Variants in CABCOCO1 observed in about 807,000 individuals in gnomAD.
CABCOCO1 encodes the protein ciliary-associated calcium-binding coiled-coil protein 1.
CABCOCO1 carries 28 observed loss-of-function variants against 35.7 expected under a neutral mutation model. That is an observed-to-expected ratio of 0.78 (90% confidence interval 0.58 to 1.07). The LOEUF (loss-of-function observed/expected upper bound fraction) is 1.07. CABCOCO1 is among the 50% of genes least tolerant of loss of function. CABCOCO1 has a pLI of 0.00. For missense variants in CABCOCO1, 326 were observed against 309.2 expected (o/e 1.05, Z -0.41); for synonymous variants, 95 against 100.1 (o/e 0.95, Z 0.30).
At chr10:61,727,060 A>T (rs1166145423) in intron 5 of CABCOCO1, among the ~76,000 whole-genome samples, 1 of 148,606 alleles carries the variant, frequency 6.7e-6, no homozygotes, top group African/African-American at 2.5e-5. Context: ...AGACCCTGCC[A>T]CATACACAAA....
intron 5 of CABCOCO1, among the ~76,000 whole-genome samples, chr10:61,733,045 CT>C (rs1841339932): frequency 6.6e-6 from 1 of 151,988 alleles, no homozygotes; most frequent in Non-Finnish European, 1.5e-5. Flanking sequence ...ATTTATGTAA[CT>C]ATCTACCATC....
At chr10:61,679,305 CTAT>C (rs1839626439) in intron 2 of CABCOCO1, among the ~76,000 whole-genome samples, 1 of 125,122 alleles carries the variant, frequency 8.0e-6, no homozygotes, top group African/African-American at 3.2e-5. Flanking sequence ...ATATCTATAT[CTAT>C]ATCTATATCT....
chr10:61,676,550 A>G, intron 2 of CABCOCO1, among the ~76,000 whole-genome samples: 1 of 152,198 alleles, frequency 6.6e-6, no homozygotes, highest in South Asian at 2.1e-4. Flanking sequence ...AGTGATTGCA[A>G]ATACTTTAGG....
intron 5 of CABCOCO1, among the ~76,000 whole-genome samples, chr10:61,741,519 C>T (rs542920065): frequency 6.6e-6 from 1 of 152,242 alleles, no homozygotes; most frequent in South Asian, 2.1e-4. Context: ...ATGAAGAAAA[C>T]TTGCTAAATG....
At chr10:61,731,774 A>AGGAG (rs1227538653) in intron 5 of CABCOCO1, among the ~76,000 whole-genome samples, 1 of 84,282 alleles carries the variant, frequency 1.2e-5, no homozygotes, top group African/African-American at 4.6e-5. Context: ...GAGGAAGGGA[A>AGGAG]GGAGGGAGGG....
intron 7 of CABCOCO1, among the ~76,000 whole-genome samples, chr10:61,764,981 T>C (rs1433998131): frequency 6.6e-6 from 1 of 152,166 alleles, no homozygotes; most frequent in Non-Finnish European, 1.5e-5. Context: ...CAGTATTTGA[T>C]TTTTTTAAAT....
intron 2 of CABCOCO1, among the ~76,000 whole-genome samples, chr10:61,677,371 C>G (rs372363924): frequency 2.8e-4 from 42 of 152,214 alleles, no homozygotes; most frequent in Admixed American, 1.7e-3. Context: ...CATCAAAGCC[C>G]ATGTGGGAAT....
chr10:61,761,245 C>A (rs1022927020), intron 7 of CABCOCO1, among the ~76,000 whole-genome samples: 1 of 151,616 alleles, frequency 6.6e-6, no homozygotes, highest in Non-Finnish European at 1.5e-5. Flanking sequence ...ACAACAAAAC[C>A]CAAAAAATAA....
intron 5 of CABCOCO1, among the ~76,000 whole-genome samples, chr10:61,730,057 G>A (rs1841264734): frequency 6.6e-6 from 1 of 151,850 alleles, no homozygotes; most frequent in African/African-American, 2.4e-5. Context: ...AATTTGTTAA[G>A]ATGATAGATC....
intron 5 of CABCOCO1, among the ~76,000 whole-genome samples, chr10:61,750,712 A>G (rs1213890603): frequency 6.6e-6 from 1 of 152,208 alleles, no homozygotes; most frequent in Non-Finnish European, 1.5e-5. Flanking sequence ...CAACAATACA[A>G]TGACTAGGTT....
intron 1 of CABCOCO1, among the ~76,000 whole-genome samples, chr10:61,663,859 T>C (rs1047037204): frequency 6.6e-6 from 1 of 152,182 alleles, no homozygotes; most frequent in African/African-American, 2.4e-5. Context: ...ACACGGAGTC[T>C]GTTACGATTG....
At chr10:61,693,842 A>T (rs1840221041) in intron 5 of CABCOCO1, among the ~76,000 whole-genome samples, 1 of 151,508 alleles carries the variant, frequency 6.6e-6, no homozygotes, top group Non-Finnish European at 1.5e-5. Context: ...GAAGACATGG[A>T]ATATTCAAGA....
At chr10:61,731,753 G>C (rs1249622367) in intron 5 of CABCOCO1, among the ~76,000 whole-genome samples, 7 of 133,576 alleles carry the variant, frequency 5.2e-5, no homozygotes, top group Admixed American at 4.7e-4. Flanking sequence ...GGAAGGGAGG[G>C]AGGACAGAGG....
intron 5 of CABCOCO1, among the ~76,000 whole-genome samples, chr10:61,752,624 T>A (rs1448997643): frequency 6.6e-6 from 1 of 152,238 alleles, no homozygotes; most frequent in African/African-American, 2.4e-5. Flanking sequence ...GGTTACCAAC[T>A]GATTTACAAC....
intron 3 of CABCOCO1, among the ~76,000 whole-genome samples, chr10:61,683,398 A>G (rs2131981242): frequency 6.6e-6 from 1 of 152,128 alleles, no homozygotes; most frequent in African/African-American, 2.4e-5. Context: ...CATATCTAAA[A>G]AAAAATTGAA....
chr10:61,760,000 C>T (rs907022325), intron 5 of CABCOCO1, 59 bp from the exon 6 acceptor site: 15 of 1,599,276 alleles, frequency 9.4e-6, no homozygotes, highest in East Asian at 2.2e-5. Flanking sequence ...CGGAACTGAC[C>T]GAAACTGTGG....
At chr10:61,697,443 C>A (rs1840325611) in intron 5 of CABCOCO1, among the ~76,000 whole-genome samples, 1 of 151,844 alleles carries the variant, frequency 6.6e-6, no homozygotes, top group Non-Finnish European at 1.5e-5. Flanking sequence ...AGAAGTAGAA[C>A]AATATGAATA....
chr10:61,710,001 A>T (rs1840689549), intron 5 of CABCOCO1, among the ~76,000 whole-genome samples: 1 of 152,078 alleles, frequency 6.6e-6, no homozygotes, highest in South Asian at 2.1e-4. Context: ...CACTTTACAT[A>T]ATTTGTAAAT....
chr10:61,710,723 GCAAAGATTT>G lies in CABCOCO1; in HGVS notation c.552+20103_552+20111del, dbSNP rs1334353750. On this transcript the variant is annotated intron_variant, in intron 5 of 7. Coordinates refer to ENST00000648843, the MANE Select transcript of CABCOCO1 (RefSeq NM_001366906.2). ...TAAGAGGTCACAATCCTAGAGAGAA[GCAAAGATTT>G]TTGAGGTGGACCCAATATTTGTGTT... Among the ~76,000 whole-genome samples, 9 of 151,950 alleles carry G rather than the reference GCAAAGATTT, an allele frequency of 5.9e-5. No homozygotes were observed. In the East Asian group the frequency reaches 9.7e-4, roughly 16 times the overall value.
Sources: allele counts gnomAD v4.1 joint callset (sites outside exome capture counted in the v4.1 genomes callset), GRCh38; gene constraint gnomAD v4.1.1; transcripts MANE v1.5; gene names NCBI Gene and HGNC (gene_info 2026-07-23, HGNC 2026-07-21).